The following CNTNAP2 variants were observed in gnomAD, a reference collection of about 807,000 sequenced individuals.
CNTNAP2 encodes contactin-associated protein-like 2.
Under a neutral mutation model 155.2 loss-of-function variants are expected in CNTNAP2, and 98 were observed. The ratio of observed to expected loss-of-function variants is 0.63; its 90% CI spans 0.54 to 0.75. The LOEUF (loss-of-function observed/expected upper bound fraction) is 0.75, where lower values mean the gene tolerates loss of function less well. Among genes scored for constraint, CNTNAP2 ranks in the 30% least tolerant of loss-of-function variants. The pLI is 0.00. For synonymous variants in CNTNAP2, 651 were observed against 631.2 expected, an observed-to-expected ratio of 1.03 and a Z score of -0.47; for missense variants, 1,727 against 1,688.1, an observed-to-expected ratio of 1.02 and a Z score of -0.40.
intron 2 of CNTNAP2, among the ~76,000 whole-genome samples, chr7:146,798,144 C>A (rs1016771350): frequency 2.6e-5 from 4 of 151,932 alleles, no homozygotes; most frequent in Non-Finnish European, 5.9e-5. Flanking sequence ...TCCTAGCACA[C>A]GCCTGCGGTC....
At chr7:146,955,094 C>A (rs2129228907) in intron 3 of CNTNAP2, among the ~76,000 whole-genome samples, 1 of 151,920 alleles carries the variant, frequency 6.6e-6, no homozygotes, top group African/African-American at 2.4e-5. Flanking sequence ...TAATTTTTTG[C>A]CCTGACAAAA....
At chr7:146,967,019 G>C (rs1001936183) in intron 3 of CNTNAP2, among the ~76,000 whole-genome samples, 1 of 152,142 alleles carries the variant, frequency 6.6e-6, no homozygotes, top group African/African-American at 2.4e-5. Flanking sequence ...CACAGTAGTT[G>C]ATGCTGCTTG....
intron 13 of CNTNAP2, among the ~76,000 whole-genome samples, chr7:147,735,578 G>A (rs1434375637): frequency 6.9e-6 from 1 of 145,918 alleles, no homozygotes; most frequent in Non-Finnish European, 1.6e-5. Flanking sequence ...GGATATCCTT[G>A]ATAACTTTCT....
intron 15 of CNTNAP2, among the ~76,000 whole-genome samples, chr7:148,025,164 G>A (rs1012749010): frequency 9.9e-5 from 15 of 152,118 alleles, no homozygotes; most frequent in African/African-American, 3.1e-4. Flanking sequence ...TTGTTCCAGA[G>A]GTACAAGATT....
chr7:147,105,081 A>G (rs1301558524), intron 4 of CNTNAP2, among the ~76,000 whole-genome samples: 2 of 151,244 alleles, frequency 1.3e-5, no homozygotes, highest in African/African-American at 4.8e-5. Context: ...TGATCAATAG[A>G]CATAGTTTGT....
intron 1 of CNTNAP2, among the ~76,000 whole-genome samples, chr7:146,145,755 T>C (rs1797948665): frequency 6.6e-6 from 1 of 152,174 alleles, no homozygotes; most frequent in Non-Finnish European, 1.5e-5. Flanking sequence ...TAAAATTCAA[T>C]GTATTTGTAC....
At chr7:146,460,687 T>G (rs1796623495) in intron 1 of CNTNAP2, among the ~76,000 whole-genome samples, 2 of 152,120 alleles carry the variant, frequency 1.3e-5, no homozygotes, top group Non-Finnish European at 2.9e-5. Context: ...ATGAATGAAC[T>G]GGGAGGATAT....
chr7:147,484,623 G>A (rs1265639173), intron 10 of CNTNAP2, among the ~76,000 whole-genome samples: 1 of 152,176 alleles, frequency 6.6e-6, no homozygotes, highest in East Asian at 1.9e-4. Flanking sequence ...AAAAGTTGTG[G>A]AAGAACAGCA....
At chr7:147,391,926 G>A (rs1404874048) in intron 9 of CNTNAP2, among the ~76,000 whole-genome samples, 1 of 151,956 alleles carries the variant, frequency 6.6e-6, no homozygotes, top group Non-Finnish European at 1.5e-5. Flanking sequence ...AGTAATGCCT[G>A]GCTTCTTCAT....
intron 8 of CNTNAP2, among the ~76,000 whole-genome samples, chr7:147,163,524 T>G (rs1802066059): frequency 6.6e-6 from 1 of 152,224 alleles, no homozygotes; most frequent in African/African-American, 2.4e-5. Context: ...TCTCCTATGG[T>G]TTGGGAACAA....
intron 3 of CNTNAP2, among the ~76,000 whole-genome samples, chr7:146,843,719 T>C (rs920246391): frequency 6.6e-6 from 1 of 151,646 alleles, no homozygotes; most frequent in Non-Finnish European, 1.5e-5. Flanking sequence ...GATTAAAATT[T>C]AGCATTTACA....
intron 9 of CNTNAP2, among the ~76,000 whole-genome samples, chr7:147,365,383 G>GAAAA (rs10557373): frequency 7.5e-5 from 7 of 93,650 alleles, no homozygotes; most frequent in African/African-American, 1.3e-4. Context: ...ATCTCAAAAA[G>GAAAA]AAAAAAAAAA....
At chr7:146,862,843 C>T (rs1795131369) in intron 3 of CNTNAP2, among the ~76,000 whole-genome samples, 1 of 152,188 alleles carries the variant, frequency 6.6e-6, no homozygotes, top group South Asian at 2.1e-4. Flanking sequence ...GTTATAGCAG[C>T]CACTCCAGGG....
At chr7:146,844,480 G>GAAAA (rs1474538055) in intron 3 of CNTNAP2, among the ~76,000 whole-genome samples, 1 of 152,028 alleles carries the variant, frequency 6.6e-6, no homozygotes, top group Non-Finnish European at 1.5e-5. Context: ...ATCTTGAGAT[G>GAAAA]TTTTCAAGTT....
intron 5 of CNTNAP2, among the ~76,000 whole-genome samples, chr7:147,111,608 C>A (rs1428393920): frequency 6.6e-6 from 1 of 152,158 alleles, no homozygotes; most frequent in East Asian, 1.9e-4. Context: ...CTTCCAGCAC[C>A]ATTTATTCAA....
intron 1 of CNTNAP2, among the ~76,000 whole-genome samples, chr7:146,338,516 A>G (rs1216529200): frequency 6.6e-6 from 1 of 152,040 alleles, no homozygotes; most frequent in Non-Finnish European, 1.5e-5. Flanking sequence ...ACAATAGAGG[A>G]GTTTTCTGGT....
At chr7:147,628,623 C>G (rs1795030065) in intron 12 of CNTNAP2, among the ~76,000 whole-genome samples, 1 of 152,118 alleles carries the variant, frequency 6.6e-6, no homozygotes, top group African/African-American at 2.4e-5. Flanking sequence ...TACCTCACAT[C>G]TCACTGCTAA....
chr7:148,114,035 G>A (rs1804411777), intron 15 of CNTNAP2, among the ~76,000 whole-genome samples: 1 of 152,172 alleles, frequency 6.6e-6, no homozygotes, highest in African/African-American at 2.4e-5. Context: ...TTGCCATATA[G>A]TGAATCTCTT....
intron 13 of CNTNAP2, among the ~76,000 whole-genome samples, chr7:147,663,854 A>G (rs1411626985): frequency 6.6e-6 from 1 of 151,394 alleles, no homozygotes; most frequent in Non-Finnish European, 1.5e-5. Flanking sequence ...AAAGCCCTTT[A>G]ATTTCTAAAT....
Sources: allele counts gnomAD v4.1 joint callset (sites outside exome capture counted in the v4.1 genomes callset), GRCh38; gene constraint gnomAD v4.1.1; transcripts MANE v1.5; gene names NCBI Gene and HGNC (gene_info 2026-07-23, HGNC 2026-07-21).